RPAP2: variants seen among roughly 807,000 people sequenced by gnomAD.
RPAP2 encodes RNA polymerase II associated protein 2.
In RPAP2, 52 loss-of-function variants were observed where a neutral mutation model predicts 73.1. That is an observed-to-expected ratio of 0.71 (90% confidence interval 0.57 to 0.90). The LOEUF (loss-of-function observed/expected upper bound fraction) is 0.90, where lower values mean the gene tolerates loss of function less well. Among genes scored for constraint, RPAP2 ranks in the 40% least tolerant of loss-of-function variants. The pLI, the probability that RPAP2 is intolerant of heterozygous loss-of-function variation, is 0.00. For missense variants in RPAP2, 598 were observed against 701.8 expected (o/e 0.85, Z 1.67); for synonymous variants, 225 against 242.1 (o/e 0.93, Z 0.65).
At chr1:92,385,833 A>G (rs1160029676) in intron 12 of RPAP2, among the ~76,000 whole-genome samples, 2 of 152,236 alleles carry the variant, frequency 1.3e-5, no homozygotes, top group African/African-American at 4.8e-5. Context: ...ATCTAGGTGC[A>G]GTTGAACTGG....
rs1050031517 is a variant in RPAP2 at position 92,397,703 on chromosome 1, A to G, written c.*10692A>G. Reference sequence around the variant, plus strand: ...GATTTTGGTTTCTAAATATTTTCCAATAGAAAAGAACCCAGGCTTCTTGAG... The same window carrying G: ...GATTTTGGTTTCTAAATATTTTCCAGTAGAAAAGAACCCAGGCTTCTTGAG... On this transcript the variant is annotated 3_prime_UTR_variant, in exon 13 of 13. Coordinates refer to ENST00000610020, the MANE Select transcript of RPAP2 (RefSeq NM_024813.3). 2 of 152,220 alleles carry G rather than the reference A, an allele frequency of 1.3e-5. No individual in the cohort carries two copies. 9.4% of individuals were successfully genotyped at this position (152,220 alleles called of 1,614,324 possible). A position where few individuals can be genotyped will look rare whatever the true frequency, so the allele number is the denominator to read the frequency against.
At position 92,395,479 on chromosome 1, in the gene RPAP2, T is replaced by C. The variant is rs1245700260; in HGVS notation, c.*8468T>C. On this transcript the variant is annotated 3_prime_UTR_variant, in exon 13 of 13. Transcript: ENST00000610020. ...AGCAAAATGCCATCTCCACAAAAAATACAAAAATTAACCAGGCATGGTGGC... is the reference window on the plus strand; with the variant it reads ...AGCAAAATGCCATCTCCACAAAAAACACAAAAATTAACCAGGCATGGTGGC... 2 of 151,198 alleles carry C rather than the reference T, an allele frequency of 1.3e-5. No individual in the cohort carries two copies. Among genetic ancestry groups the C allele is most frequent in the African/African-American group, 4.9e-5 (2 of 41,126 alleles). 9.4% of individuals were successfully genotyped at this position (151,198 alleles called of 1,614,324 possible).
At chr1:92,354,092 G>A (rs978580200) in intron 11 of RPAP2, among the ~76,000 whole-genome samples, 1 of 152,130 alleles carries the variant, frequency 6.6e-6, no homozygotes, top group Non-Finnish European at 1.5e-5. Flanking sequence ...CAGTGGTGGT[G>A]ATGACAGCAG....
intron 12 of RPAP2, among the ~76,000 whole-genome samples, chr1:92,383,822 A>G (rs905277330): frequency 5.3e-5 from 8 of 152,144 alleles, no homozygotes; most frequent in Non-Finnish European, 1.0e-4. Context: ...GTGGTGAGAG[A>G]GGGCATCCCT....
At chr1:92,376,521 GCTAT>G (rs964850521) in intron 11 of RPAP2, among the ~76,000 whole-genome samples, 1 of 152,142 alleles carries the variant, frequency 6.6e-6, no homozygotes, top group African/African-American at 2.4e-5. Context: ...CCTGAGGATT[GCTAT>G]CTATTTGTTT....
At chr1:92,383,306 A>G (rs895824611) in intron 12 of RPAP2, among the ~76,000 whole-genome samples, 3 of 152,200 alleles carry the variant, frequency 2.0e-5, no homozygotes, top group African/African-American at 7.2e-5. Flanking sequence ...TTCTGTGAAG[A>G]AAGTCATTGG....
chr1:92,393,982 ACC>A lies in RPAP2; in HGVS notation c.*6973_*6974del, dbSNP rs1366492411. 6.6e-6 allele frequency: 1 copy of A among 152,198 alleles called. No homozygotes were observed. The highest frequency in any genetic ancestry group is 1.5e-5 in the Non-Finnish European group (1 of 68,044). The allele number at this position is 152,198 out of a possible 1,614,324, so 9.4% of individuals were successfully genotyped here. A position where few individuals can be genotyped will look rare whatever the true frequency, so the allele number is the denominator to read the frequency against. ...CCAGCAATCCCACTATTGGGCATAT[ACC>A]CAAAAGATTATAAATCATTCTACAA... On this transcript the variant is annotated 3_prime_UTR_variant, in exon 13 of 13. Transcript: ENST00000610020.
intron 5 of RPAP2, among the ~76,000 whole-genome samples, chr1:92,304,725 A>G (rs1651085109): frequency 6.6e-6 from 1 of 152,232 alleles, no homozygotes; most frequent in Non-Finnish European, 1.5e-5. Flanking sequence ...TTTTCAATAA[A>G]TTATACTGGC....
intron 11 of RPAP2, among the ~76,000 whole-genome samples, chr1:92,360,962 G>T (rs1249916075): frequency 1.3e-5 from 2 of 151,712 alleles, no homozygotes; most frequent in African/African-American, 4.8e-5. Context: ...TAATTATGGT[G>T]ACTAACCTTT....
chr1:92,304,490 T>C (rs1651070134), intron 5 of RPAP2, 141 bp downstream of exon 5: 1 of 502,736 alleles, frequency 2.0e-6, no homozygotes, highest in Non-Finnish European at 3.4e-6. Flanking sequence ...TAGAAAATAG[T>C]GATGTTAAAA....
rs567735711 is a variant in RPAP2 at position 92,387,197 on chromosome 1, T to C, written c.*186T>C. On this transcript the variant is annotated 3_prime_UTR_variant, in exon 13 of 13. Coordinates refer to ENST00000610020, the MANE Select transcript of RPAP2 (RefSeq NM_024813.3). ...AACTGCAGAGGATGACCTCCCCAGA[T>C]AGAGGAGAATCATTACTCCAACAAG... 1.2e-3 allele frequency: 532 copies of C among 435,200 alleles called. 1 individual carries two copies. The highest frequency in any genetic ancestry group is 1.6e-3 in the Non-Finnish European group (387 of 243,508). 27.0% of individuals were successfully genotyped at this position (435,200 alleles called of 1,614,324 possible). A position where few individuals can be genotyped will look rare whatever the true frequency, so the allele number is the denominator to read the frequency against.
chr1:92,345,455 CAGAG>C (rs1407336046), intron 10 of RPAP2, among the ~76,000 whole-genome samples: 1 of 78,176 alleles, frequency 1.3e-5, no homozygotes, highest in Non-Finnish European at 2.5e-5. Context: ...GAGGGAGGGA[CAGAG>C]GGAGGGAGGG....
intron 8 of RPAP2, among the ~76,000 whole-genome samples, chr1:92,333,003 A>G (rs1281239999): frequency 1.3e-5 from 2 of 152,160 alleles, no homozygotes; most frequent in South Asian, 2.1e-4. Context: ...TAGAATGGTT[A>G]GGGGTCAAAT....
chr1:92,342,950 A>G (rs1398346428), intron 10 of RPAP2, among the ~76,000 whole-genome samples: 1 of 152,188 alleles, frequency 6.6e-6, no homozygotes, highest in Non-Finnish European at 1.5e-5. Context: ...TGTCAAGTGG[A>G]CCCTTAGATA....
intron 8 of RPAP2, among the ~76,000 whole-genome samples, chr1:92,331,225 C>T (rs1451925551): frequency 6.6e-6 from 1 of 152,110 alleles, no homozygotes; most frequent in African/African-American, 2.4e-5. Flanking sequence ...TTTTTCTTTA[C>T]AGTCTACTTT....
chr1:92,363,925 T>C (rs1234038908), intron 11 of RPAP2, among the ~76,000 whole-genome samples: 2 of 152,210 alleles, frequency 1.3e-5, no homozygotes, highest in African/African-American at 4.8e-5. Context: ...CTGCTTATGT[T>C]GTCTCTAAGG....
At chr1:92,385,439 C>T (rs1014986421) in intron 12 of RPAP2, among the ~76,000 whole-genome samples, 1 of 152,032 alleles carries the variant, frequency 6.6e-6, no homozygotes, top group African/African-American at 2.4e-5. Context: ...TAAATCTTGG[C>T]CCAGATTACT....
At position 92,387,206 on chromosome 1, in the gene RPAP2, A is replaced by ATCAT; in HGVS notation, c.*197_*200dup. On this transcript the variant is annotated 3_prime_UTR_variant, in exon 13 of 13. Transcript: ENST00000610020. ...GGATGACCTCCCCAGATAGAGGAGAATCATTACTCCAACAAGAATAACCAA... is the reference window on the plus strand; with the variant it reads ...GGATGACCTCCCCAGATAGAGGAGAATCATTCATTACTCCAACAAGAATAACCAA... 2.4e-6 allele frequency: 1 copy of ATCAT among 417,370 alleles called. No individual in the cohort carries two copies. The highest frequency in any genetic ancestry group is 9.2e-5 in the South Asian group (1 of 10,902). 25.9% of individuals were successfully genotyped at this position (417,370 alleles called of 1,614,324 possible).
chr1:92,354,428 A>C (rs1017071734), intron 11 of RPAP2, among the ~76,000 whole-genome samples: 1 of 152,234 alleles, frequency 6.6e-6, no homozygotes, highest in African/African-American at 2.4e-5. Context: ...GATCTGTCAC[A>C]AACAGGAATT....
Sources: gnomAD v4.1 joint callset for allele counts (sites outside exome capture counted in the v4.1 genomes callset) on GRCh38, gnomAD v4.1.1 for gene constraint, MANE v1.5 for transcripts, NCBI Gene and HGNC (gene_info 2026-07-23, HGNC 2026-07-21) for gene names.